Variants in PFKFB3 observed in about 807,000 individuals in gnomAD.
PFKFB3 encodes 6-phosphofructo-2-kinase/fructose-2,6-biphosphatase 3, also known as 6-phosphofructo-2-kinase/fructose-2,6-bisphosphatase 3.
A neutral mutation model predicts 68.0 loss-of-function variants in PFKFB3; 33 were observed. The observed-to-expected ratio is 0.49, with a 90% CI of 0.37 to 0.65. The LOEUF (loss-of-function observed/expected upper bound fraction) is 0.65. PFKFB3 is among the 30% of genes least tolerant of loss of function. The pLI is 0.00. For missense variants in PFKFB3, 586 were observed against 712.2 expected (o/e 0.82, Z 2.02); for synonymous variants, 315 against 288.2 (o/e 1.09, Z -0.94).
the PFKFB3 span, among the ~76,000 whole-genome samples, chr10:6,306,151 G>A: frequency 6.6e-6 from 1 of 151,994 alleles, no homozygotes; most frequent in Non-Finnish European, 1.5e-5. Flanking sequence ...CTCCCGCCTG[G>A]GCCTCATGAG....
intron 1 of PFKFB3, among the ~76,000 whole-genome samples, chr10:6,159,031 C>T (rs971181549): frequency 4.6e-5 from 7 of 152,126 alleles, no homozygotes; most frequent in Non-Finnish European, 2.9e-5. Flanking sequence ...TATATTCACA[C>T]AAGGCAATAT....
At position 6,229,220 on chromosome 10, in the gene PFKFB3, A is replaced by C; in HGVS notation, c.1515+2855A>C. 1 of 490,938 alleles carries C rather than the reference A, an allele frequency of 2.0e-6. No individual in the cohort carries two copies. The allele number at this position is 490,938 out of a possible 1,614,324, so 30.4% of individuals were successfully genotyped here. ...TCAGATTTTGGTGGCAAAGGGGTGA[A>C]GGGCCAGAGGATGTACCAGTGTCCT... On this transcript the variant is annotated intron_variant, in intron 14 of 14. Transcript: ENST00000379775. This position sits in a 1 kb window ranked among gnomAD's most constrained non-coding sequence, Gnocchi z 4.3.
At chr10:6,167,664 C>T (rs2131733849) in intron 1 of PFKFB3, among the ~76,000 whole-genome samples, 1 of 152,320 alleles carries the variant, frequency 6.6e-6, no homozygotes, top group East Asian at 1.9e-4. Flanking sequence ...CCCTCTTCCT[C>T]CATTGGATTA....
At chr10:6,166,167 A>G (rs1842132876) in intron 1 of PFKFB3, among the ~76,000 whole-genome samples, 1 of 151,914 alleles carries the variant, frequency 6.6e-6, no homozygotes, top group East Asian at 1.9e-4. Flanking sequence ...TTTTTAGTAG[A>G]GATAGGCTTT....
At position 6,154,729 on chromosome 10, in the gene PFKFB3, C is replaced by T. The variant is rs954809485; in HGVS notation, c.16+9716C>T. 4.6e-5 allele frequency among the ~76,000 whole-genome samples: 7 copies of T among 152,054 alleles called. No individual in the cohort carries two copies. The highest frequency in any genetic ancestry group is 4.1e-4 in the South Asian group (2 of 4,830). ...TCTGAATATATTTAGGAGGCAGAGG[C>T]GGCGGGATTTGATGGATTTGCTGTG... On this transcript the variant is annotated intron_variant, in intron 1 of 14. Transcript: ENST00000379789. This position sits in a 1 kb window ranked among gnomAD's most constrained non-coding sequence, Gnocchi z 4.6.
At chr10:6,236,321 T>C (rs149023173), downstream of PFKFB3, among the ~76,000 whole-genome samples, 687 of 152,342 alleles carry the variant, frequency 4.5e-3, 23 homozygotes, top group Admixed American at 0.035. Flanking sequence ...TCTCTGCAGA[T>C]GGGGCAGGGT....
Position 6,232,970 on chromosome 10 carries a change from C to G in PFKFB3, c.*28C>G. 5 of 1,588,394 alleles carry G rather than the reference C, an allele frequency of 3.1e-6. No individual in the cohort carries two copies. The highest frequency in any genetic ancestry group is 4.3e-6 in the Non-Finnish European group (5 of 1,156,806). On this transcript the variant is annotated 3_prime_UTR_variant, in exon 15 of 15. Transcript: ENST00000379775. ...CAGACGTGTCGGTTCCATTCCATTT[C>G]CATTTCTGCAGCTTAGCTTGTGTCC...
downstream of PFKFB3, among the ~76,000 whole-genome samples, chr10:6,237,751 A>C (rs1200346874): frequency 6.6e-6 from 1 of 151,900 alleles, no homozygotes; most frequent in Non-Finnish European, 1.5e-5. Context: ...TTTTTTGTCG[A>C]GATGAGGTTT....
the PFKFB3 span, among the ~76,000 whole-genome samples, chr10:6,275,351 C>T: frequency 1.3e-5 from 2 of 152,230 alleles, no homozygotes; most frequent in African/African-American, 4.8e-5. This position sits in a 1 kb window ranked among gnomAD's most constrained non-coding sequence, Gnocchi z 4.9. Flanking sequence ...GTGCCAGTTC[C>T]CTCAGCGGAG....
At chr10:6,282,563 G>C in the PFKFB3 span, among the ~76,000 whole-genome samples, 1 of 152,184 alleles carries the variant, frequency 6.6e-6, no homozygotes, top group Non-Finnish European at 1.5e-5. Flanking sequence ...AATGGGCCAG[G>C]CTACCCTTCA....
chr10:6,151,337 G>A (rs900715493), intron 1 of PFKFB3, among the ~76,000 whole-genome samples: 9 of 150,682 alleles, frequency 6.0e-5, no homozygotes, highest in African/African-American at 2.0e-4. Context: ...CTGTAGCTCC[G>A]GAAGGTGCTC....
chr10:6,216,109 G>T lies in PFKFB3; in HGVS notation c.300-16G>T. On this transcript the variant is annotated splice_polypyrimidine_tract_variant and intron_variant, in intron 3 of 14. Transcript: ENST00000379775. Reference sequence around the variant, plus strand: ...GCACCGGCGCTGACATTCGGGCAATGTCTTGTGCATTCCAGGCAATGTGCC... The same window carrying T: ...GCACCGGCGCTGACATTCGGGCAATTTCTTGTGCATTCCAGGCAATGTGCC... The T allele has an allele frequency of 6.2e-7, 1 of 1,613,322 alleles. No individual in the cohort carries two copies. The highest frequency in any genetic ancestry group is 1.1e-5 in the South Asian group (1 of 91,080).
the PFKFB3 span, among the ~76,000 whole-genome samples, chr10:6,309,648 C>G: frequency 1.3e-5 from 2 of 151,728 alleles, no homozygotes; most frequent in African/African-American, 4.8e-5. Context: ...CGGCCACCAG[C>G]CAAAAGAGTA....
chr10:6,222,480 C>A (rs35995560), intron 10 of PFKFB3, among the ~76,000 whole-genome samples: 1 of 152,114 alleles, frequency 6.6e-6, no homozygotes, highest in Non-Finnish European at 1.5e-5. Flanking sequence ...ACAAAGAAAC[C>A]CAGACCTGTT....
the PFKFB3 span, among the ~76,000 whole-genome samples, chr10:6,264,225 A>G: frequency 6.6e-6 from 1 of 152,160 alleles, no homozygotes; most frequent in South Asian, 2.1e-4. Flanking sequence ...ACTTGCACCA[A>G]TATCACACTC....
chr10:6,249,917 T>G (rs1489443126), intron 14 of PFKFB3, among the ~76,000 whole-genome samples: 1 of 152,248 alleles, frequency 6.6e-6, no homozygotes, highest in Non-Finnish European at 1.5e-5. Flanking sequence ...ATTGTATTCA[T>G]AAATCTAAAC....
chr10:6,238,752 G>A (rs1405910374), downstream of PFKFB3, among the ~76,000 whole-genome samples: 1 of 151,930 alleles, frequency 6.6e-6, no homozygotes, highest in Non-Finnish European at 1.5e-5. Context: ...CCAGTGTGTG[G>A]TGTTCCCCTC....
chr10:6,322,044 G>T, the PFKFB3 span, among the ~76,000 whole-genome samples: 1 of 152,080 alleles, frequency 6.6e-6, no homozygotes, highest in Non-Finnish European at 1.5e-5. Context: ...TTAATCCAGC[G>T]CTTTCCCCTG....
intron 1 of PFKFB3, among the ~76,000 whole-genome samples, chr10:6,190,709 T>TTCTTTAGAATAG (rs1842999927): frequency 6.6e-6 from 1 of 152,196 alleles, no homozygotes; most frequent in Admixed American, 6.5e-5. Flanking sequence ...AATAGGCTCG[T>TTCTTTAGAATAG]GTGTTTCTTG....
Sources: gnomAD v4.1 joint callset for allele counts (sites outside exome capture counted in the v4.1 genomes callset) on GRCh38, gnomAD v4.1.1 for gene constraint, Gnocchi (gnomAD v3.1) non-coding constraint, MANE v1.5 for transcripts, NCBI Gene and HGNC (gene_info 2026-07-23, HGNC 2026-07-21) for gene names.